Variants in TRPC6 observed in about 807,000 individuals in gnomAD.
TRPC6 encodes the protein short transient receptor potential channel 6.
Under a neutral mutation model 90.7 loss-of-function variants are expected in TRPC6, and 55 were observed. The observed-to-expected ratio is 0.61, with a 90% CI of 0.49 to 0.76. The LOEUF (loss-of-function observed/expected upper bound fraction) is 0.76, where lower values mean the gene tolerates loss of function less well. Ranked by LOEUF, TRPC6 falls within the 30% of genes least tolerant of loss-of-function variation. The probability of loss-of-function intolerance (pLI) is 0.00; values close to 1 mark genes in which losing one functional copy is unlikely to be tolerated. For missense variants in TRPC6, 989 were observed against 1,122.7 expected, an observed-to-expected ratio of 0.88 and a Z score of 1.70; for synonymous variants, 393 against 393.0, an observed-to-expected ratio of 1.00 and a Z score of 0.00.
chr11:101,551,250 A>C (rs1253127807), intron 1 of TRPC6, among the ~76,000 whole-genome samples: 1 of 152,046 alleles, frequency 6.6e-6, no homozygotes, highest in African/African-American at 2.4e-5. Context: ...TGAAACTATT[A>C]AATGAATTCA....
intron 1 of TRPC6, among the ~76,000 whole-genome samples, chr11:101,543,680 T>A (rs10895137): frequency 0.26 from 39,550 of 152,004 alleles, 5,628 homozygotes; most frequent in East Asian, 0.4. Flanking sequence ...TGGCTAGCCA[T>A]ATGCAGAAAG....
intron 1 of TRPC6, among the ~76,000 whole-genome samples, chr11:101,525,823 G>C (rs1413175006): frequency 1.3e-5 from 2 of 152,168 alleles, no homozygotes; most frequent in Non-Finnish European, 2.9e-5. Flanking sequence ...AAGTTGAGAG[G>C]ATCAGGGTCA....
intron 4 of TRPC6, among the ~76,000 whole-genome samples, chr11:101,487,214 A>G (rs187791443): frequency 2.0e-5 from 3 of 152,260 alleles, no homozygotes; most frequent in Non-Finnish European, 2.9e-5. Context: ...TTTAGGAAAG[A>G]GATTATAATT....
chr11:101,493,559 C>T lies in TRPC6; in HGVS notation c.946-1821G>A, dbSNP rs77795328. On this transcript the variant is annotated intron_variant, in intron 2 of 12. Coordinates refer to ENST00000344327, the MANE Select transcript of TRPC6 (RefSeq NM_004621.6). ...CCTTTGAGATAATGCCACTTTATCT[C>T]TCTTATTTGTAGAGTACTTTTCTAC... 8.2e-3 allele frequency among the ~76,000 whole-genome samples: 1,246 copies of T among 152,240 alleles called. 14 individuals carry two copies. The highest frequency in any genetic ancestry group is 0.029 in the African/African-American group (1,197 of 41,538).
intron 12 of TRPC6, among the ~76,000 whole-genome samples, chr11:101,453,443 A>G (rs1415485107): frequency 6.6e-6 from 1 of 152,058 alleles, no homozygotes; most frequent in Non-Finnish European, 1.5e-5. Flanking sequence ...AGAGCTTTTT[A>G]TCTAGCAAGT....
chr11:101,566,977 GT>G lies in TRPC6; in HGVS notation c.170+16356del, dbSNP rs1861847175. Among the ~76,000 whole-genome samples, 3 of 140,912 alleles carry G rather than the reference GT, an allele frequency of 2.1e-5. No individual in the cohort carries two copies. In the Admixed American group the frequency reaches 2.2e-4, roughly 10 times the overall value. The allele number at this position is 140,912 out of a possible 152,430, so 92.4% of individuals were successfully genotyped here. ...AGCAGACACCAAGCTAGCCACGGGAGTTTTTTTCCATACCCCAGTGGCACCT... is the reference window on the plus strand; with the variant it reads ...AGCAGACACCAAGCTAGCCACGGGAGTTTTTTCCATACCCCAGTGGCACCT... On this transcript the variant is annotated intron_variant, in intron 1 of 12. Transcript: ENST00000344327.
chr11:101,466,480 C>T (rs1021615111), intron 10 of TRPC6, among the ~76,000 whole-genome samples: 27 of 152,262 alleles, frequency 1.8e-4, no homozygotes, highest in African/African-American at 5.8e-4. Flanking sequence ...GTTTGAACTT[C>T]CTGGCCGTTT....
At chr11:101,547,229 A>G (rs1434055155) in intron 1 of TRPC6, among the ~76,000 whole-genome samples, 1 of 151,790 alleles carries the variant, frequency 6.6e-6, no homozygotes, top group African/African-American at 2.4e-5. Flanking sequence ...ATGAGAACAA[A>G]AATGTCATTA....
intron 1 of TRPC6, among the ~76,000 whole-genome samples, chr11:101,555,810 A>C (rs536895186): frequency 6.6e-6 from 1 of 152,308 alleles, no homozygotes; most frequent in South Asian, 2.1e-4. Flanking sequence ...CAAAACTTGA[A>C]GAACAGTGCA....
chr11:101,549,737 C>T (rs1387644853), intron 1 of TRPC6, among the ~76,000 whole-genome samples: 1 of 150,222 alleles, frequency 6.7e-6, no homozygotes, highest in Non-Finnish European at 1.5e-5. Context: ...GAAAAAATGT[C>T]AAAAAATAAA....
At chr11:101,537,011 A>G (rs1861065044) in intron 1 of TRPC6, among the ~76,000 whole-genome samples, 1 of 152,188 alleles carries the variant, frequency 6.6e-6, no homozygotes, top group Non-Finnish European at 1.5e-5. Context: ...GCTGTGAGCA[A>G]AGAGTTAAGG....
intron 5 of TRPC6, among the ~76,000 whole-genome samples, chr11:101,479,109 C>T (rs910645608): frequency 2.0e-5 from 3 of 152,210 alleles, no homozygotes; most frequent in Non-Finnish European, 4.4e-5. Context: ...CCAGCCCCCT[C>T]AAGTGCTGTT....
At chr11:101,467,711 G>T (rs558335695) in intron 10 of TRPC6, among the ~76,000 whole-genome samples, 1 of 152,278 alleles carries the variant, frequency 6.6e-6, no homozygotes, top group African/African-American at 2.4e-5. Context: ...TTTAGGACTT[G>T]TGGGCCACAT....
intron 1 of TRPC6, among the ~76,000 whole-genome samples, chr11:101,524,855 G>A (rs1006710222): frequency 2.6e-5 from 4 of 152,202 alleles, no homozygotes; most frequent in African/African-American, 9.7e-5. Flanking sequence ...ATTTCCTACA[G>A]TGTGCCTGCA....
intron 1 of TRPC6, among the ~76,000 whole-genome samples, chr11:101,525,237 A>C (rs1197497097): frequency 6.6e-6 from 1 of 152,218 alleles, no homozygotes; most frequent in Admixed American, 6.5e-5. Context: ...AGTCAAATGG[A>C]CTTTGGCTCG....
At chr11:101,567,919 G>C (rs957788750) in intron 1 of TRPC6, among the ~76,000 whole-genome samples, 2 of 152,170 alleles carry the variant, frequency 1.3e-5, no homozygotes, top group Admixed American at 1.3e-4. Flanking sequence ...GGAGAAACCA[G>C]CGCAAAAGGC....
intron 1 of TRPC6, among the ~76,000 whole-genome samples, chr11:101,532,809 T>C (rs1860937618): frequency 6.6e-6 from 1 of 151,900 alleles, no homozygotes; most frequent in Non-Finnish European, 1.5e-5. Context: ...CTTGGGGAGT[T>C]AAGAGGGTGA....
At position 101,559,774 on chromosome 11, in the gene TRPC6, T is replaced by TC. The variant is rs1408962965; in HGVS notation, c.170+23559dup. Among the ~76,000 whole-genome samples the TC allele has an allele frequency of 6.0e-3, 775 of 129,088 alleles. 16 individuals are homozygous for TC. Among genetic ancestry groups the TC allele is most frequent in the African/African-American group, 0.021 (726 of 34,292 alleles). 84.7% of individuals were successfully genotyped at this position (129,088 alleles called of 152,430 possible). A position where few individuals can be genotyped will look rare whatever the true frequency, so the allele number is the denominator to read the frequency against. On this transcript the variant is annotated intron_variant, in intron 1 of 12. Coordinates refer to ENST00000344327, the MANE Select transcript of TRPC6 (RefSeq NM_004621.6). The stretch of plus-strand genomic sequence containing the variant: ...ACATTAGGTATATCTCCTAATGCTA[T>TC]CCCTCCCCCCTCCCCCCACCCCACA...
chr11:101,501,495 C>T lies in TRPC6; in HGVS notation c.945+2529G>A, dbSNP rs897468607. ...CCTCAGAGACACCAACTTCTCTATT[C>T]CTGTAAGGTCCCACTCTGCTGTAAA... is the stretch of plus-strand genomic sequence containing the variant. On this transcript the variant is annotated intron_variant, in intron 2 of 12. Coordinates refer to ENST00000344327, the MANE Select transcript of TRPC6 (RefSeq NM_004621.6). Among the ~76,000 whole-genome samples the T allele has an allele frequency of 3.3e-5, 5 of 152,156 alleles. No homozygotes were observed. The East Asian group carries it at 7.7e-4, about 23-fold the overall frequency.
Sources: gnomAD v4.1 joint callset for allele counts (sites outside exome capture counted in the v4.1 genomes callset) on GRCh38, gnomAD v4.1.1 for gene constraint, MANE v1.5 for transcripts, NCBI Gene and HGNC (gene_info 2026-07-23, HGNC 2026-07-21) for gene names.